FAM193A: variants seen among roughly 807,000 people sequenced by gnomAD.
FAM193A encodes family with sequence similarity 193 member A, also known as protein FAM193A.
In FAM193A, 22 loss-of-function variants were observed where a neutral mutation model predicts 126.5. The observed-to-expected ratio is 0.17, with a 90% CI of 0.12 to 0.25. The LOEUF (loss-of-function observed/expected upper bound fraction) is 0.25. FAM193A is among the 10% of genes least tolerant of loss of function. The pLI is 1.00. For missense variants in FAM193A, 1,675 were observed against 1,672.8 expected (o/e 1.00, Z -0.02); for synonymous variants, 761 against 646.8 (o/e 1.18, Z -2.68).
intron 13 of FAM193A, among the ~76,000 whole-genome samples, chr4:2,676,091 T>G (rs1714374047): frequency 6.6e-6 from 1 of 152,186 alleles, no homozygotes; most frequent in Admixed American, 6.5e-5. Context: ...TAAACATGAG[T>G]GTACAAATAT....
chr4:2,541,793 G>C (rs1737249439), intron 1 of FAM193A, among the ~76,000 whole-genome samples: 1 of 151,808 alleles, frequency 6.6e-6, no homozygotes, highest in Non-Finnish European at 1.5e-5. Context: ...TGCTTTTACT[G>C]TATTTTAAGC....
At chr4:2,561,414 C>G (rs1738605349) in intron 1 of FAM193A, among the ~76,000 whole-genome samples, 1 of 151,596 alleles carries the variant, frequency 6.6e-6, no homozygotes, top group Admixed American at 6.6e-5. Context: ...AACTCCTGCC[C>G]TTAAGTGATG....
At chr4:2,667,704 T>G (rs938131911) in intron 12 of FAM193A, among the ~76,000 whole-genome samples, 1 of 152,212 alleles carries the variant, frequency 6.6e-6, no homozygotes, top group African/African-American at 2.4e-5. Context: ...CTAACATCTT[T>G]TAGTTGGGCC....
At chr4:2,724,332 T>TAA (rs1187987779) in intron 20 of FAM193A, among the ~76,000 whole-genome samples, 2 of 152,190 alleles carry the variant, frequency 1.3e-5, no homozygotes, top group East Asian at 3.8e-4. Context: ...AAATAACCTC[T>TAA]AAACTAGTCA....
intron 12 of FAM193A, among the ~76,000 whole-genome samples, chr4:2,671,891 G>A (rs1713839442): frequency 6.6e-6 from 1 of 152,202 alleles, no homozygotes; most frequent in African/African-American, 2.4e-5. Context: ...CTCTACCTGA[G>A]TCTGTCTGTG....
chr4:2,731,196 CAAAA>C (rs546217602), intron 20 of FAM193A, among the ~76,000 whole-genome samples: 14 of 86,874 alleles, frequency 1.6e-4, no homozygotes, highest in South Asian at 3.5e-4. Context: ...AACTCCTTCT[CAAAA>C]AAAAAAAAAA....
intron 1 of FAM193A, among the ~76,000 whole-genome samples, chr4:2,585,668 G>A (rs1740192851): frequency 6.6e-6 from 1 of 152,070 alleles, no homozygotes. Flanking sequence ...GTTCATGCCT[G>A]TAATCCTAGC....
intron 4 of FAM193A, among the ~76,000 whole-genome samples, chr4:2,630,646 G>A (rs1025670711): frequency 6.6e-6 from 1 of 152,234 alleles, no homozygotes. Flanking sequence ...CTGTAAAGCA[G>A]GCACTGAACC....
At chr4:2,646,450 G>A (rs1186060567) in intron 6 of FAM193A, among the ~76,000 whole-genome samples, 3 of 152,062 alleles carry the variant, frequency 2.0e-5, no homozygotes, top group Non-Finnish European at 4.4e-5. Context: ...AGGATTACAG[G>A]TGTGAGCCAC....
chr4:2,712,958 G>A (rs922801408), intron 19 of FAM193A, among the ~76,000 whole-genome samples: 15 of 151,924 alleles, frequency 9.9e-5, no homozygotes, highest in African/African-American at 3.6e-4. Flanking sequence ...ACAAAAATTA[G>A]CCCAGGTGTG....
intron 5 of FAM193A, among the ~76,000 whole-genome samples, chr4:2,632,034 A>C (rs1743641379): frequency 6.6e-6 from 1 of 150,972 alleles, no homozygotes; most frequent in African/African-American, 2.5e-5. Context: ...TTTATTTCTC[A>C]TGGTTAGGAA....
At chr4:2,726,669 G>A (rs1009939624) in intron 20 of FAM193A, among the ~76,000 whole-genome samples, 2 of 150,698 alleles carry the variant, frequency 1.3e-5, no homozygotes, top group African/African-American at 2.4e-5. Flanking sequence ...AGTGGCTCAT[G>A]CCTGTAATCC....
intron 2 of FAM193A, among the ~76,000 whole-genome samples, chr4:2,603,276 G>A (rs1226408398): frequency 1.2e-5 from 1 of 84,032 alleles, no homozygotes; most frequent in Non-Finnish European, 2.2e-5. Context: ...GAGCCACCGC[G>A]CCTGGCTTTT....
At chr4:2,618,696 A>G (rs1426184823) in intron 2 of FAM193A, among the ~76,000 whole-genome samples, 1 of 150,808 alleles carries the variant, frequency 6.6e-6, no homozygotes, top group African/African-American at 2.4e-5. Flanking sequence ...CCTGGGTTCA[A>G]GTGATTCTCC....
intron 1 of FAM193A, among the ~76,000 whole-genome samples, chr4:2,540,734 G>A (rs1737182417): frequency 6.6e-6 from 1 of 152,200 alleles, no homozygotes; most frequent in Non-Finnish European, 1.5e-5. Context: ...GCTGAGGCAG[G>A]TGGATCACCT....
chr4:2,674,617 T>C (rs1369782146), intron 13 of FAM193A, among the ~76,000 whole-genome samples: 1 of 152,154 alleles, frequency 6.6e-6, no homozygotes, highest in Non-Finnish European at 1.5e-5. Flanking sequence ...GCACATTATG[T>C]CATTGTAGTT....
intron 12 of FAM193A, among the ~76,000 whole-genome samples, chr4:2,664,278 T>G (rs1712830822): frequency 6.6e-6 from 1 of 152,216 alleles, no homozygotes; most frequent in African/African-American, 2.4e-5. Flanking sequence ...GGTGAGGATA[T>G]AAATTCACCT....
At chr4:2,539,078 G>GAGAC (rs982222550) in intron 1 of FAM193A, among the ~76,000 whole-genome samples, 1 of 151,042 alleles carries the variant, frequency 6.6e-6, no homozygotes, top group African/African-American at 2.4e-5. Flanking sequence ...ATTTTTAGTA[G>GAGAC]AGACAGGGAT....
chr4:2,625,544 A>C, intron 3 of FAM193A, 149 bp downstream of exon 3: 1 of 481,694 alleles, frequency 2.1e-6, no homozygotes, highest in African/African-American at 2.0e-5. Context: ...GAACCATATG[A>C]GTAAGACAAA....
Sources: gnomAD v4.1 joint callset for allele counts (sites outside exome capture counted in the v4.1 genomes callset) on GRCh38, gnomAD v4.1.1 for gene constraint, MANE v1.5 for transcripts, NCBI Gene and HGNC (gene_info 2026-07-23, HGNC 2026-07-21) for gene names.